Variants in FBXL17 observed in about 807,000 individuals in gnomAD.
FBXL17 encodes the protein F-box/LRR-repeat protein 17.
In FBXL17, 22 loss-of-function variants were observed where a neutral mutation model predicts 66.2. The ratio of observed to expected loss-of-function variants is 0.33; its 90% confidence interval spans 0.24 to 0.47. The LOEUF (loss-of-function observed/expected upper bound fraction) is 0.47. FBXL17 is among the 20% of genes least tolerant of loss of function. The pLI is 1.00. For missense variants in FBXL17, 878 were observed against 948.2 expected (o/e 0.93, Z 0.97); for synonymous variants, 474 against 400.5 (o/e 1.18, Z -2.19).
chr5:107,878,374 T>G (rs1748676683), intron 8 of FBXL17: 1 of 816,998 alleles, frequency 1.2e-6, no homozygotes, highest in Non-Finnish European at 1.5e-6. Context: ...TAACAGAGCA[T>G]TTTATATATA....
At chr5:107,893,922 T>C (rs1459321335) in intron 7 of FBXL17, among the ~76,000 whole-genome samples, 1 of 152,222 alleles carries the variant, frequency 6.6e-6, no homozygotes, top group Non-Finnish European at 1.5e-5. Flanking sequence ...TTGTATGTAC[T>C]GGCTGTAGCG....
chr5:107,862,259 C>T (rs917703236), intron 8 of FBXL17, among the ~76,000 whole-genome samples: 5 of 151,450 alleles, frequency 3.3e-5, no homozygotes, highest in East Asian at 1.9e-4. Context: ...TGTGGAATGC[C>T]GGAGAGGACA....
At position 108,219,073 on chromosome 5, in the gene FBXL17, C is replaced by A. The variant is rs551295160; in HGVS notation, c.1614+5048G>T. Reference sequence around the variant, plus strand: ...CAAACTTTTGTTTACAATTTTTGAACCTATATTCATGAAAGATAGTGATGT... The same window carrying A: ...CAAACTTTTGTTTACAATTTTTGAAACTATATTCATGAAAGATAGTGATGT... On this transcript the variant is annotated intron_variant, in intron 5 of 8. Transcript: ENST00000542267. 3.3e-5 allele frequency among the ~76,000 whole-genome samples: 5 copies of A among 152,178 alleles called. No homozygotes were observed. The South Asian group carries it at 1.0e-3, about 32-fold the overall frequency.
At chr5:108,046,455 T>C (rs1041728314) in intron 6 of FBXL17, among the ~76,000 whole-genome samples, 1 of 152,220 alleles carries the variant, frequency 6.6e-6, no homozygotes, top group African/African-American at 2.4e-5. Flanking sequence ...ATTATTGATA[T>C]GTTAGGCTTA....
chr5:108,065,335 C>T (rs1748078618), intron 6 of FBXL17, among the ~76,000 whole-genome samples: 1 of 152,102 alleles, frequency 6.6e-6, no homozygotes, highest in Non-Finnish European at 1.5e-5. Flanking sequence ...AGGAAGCATC[C>T]TTAAATATTA....
At chr5:108,066,032 G>T (rs1748104672) in intron 6 of FBXL17, among the ~76,000 whole-genome samples, 1 of 152,052 alleles carries the variant, frequency 6.6e-6, no homozygotes, top group Non-Finnish European at 1.5e-5. Flanking sequence ...TTATGGAAGG[G>T]ATTTTCATGG....
rs1754514594 is a variant in FBXL17, at chr5:108,214,478, C to T, written c.1614+9643G>A. 2.0e-5 allele frequency among the ~76,000 whole-genome samples: 3 copies of T among 151,736 alleles called. No homozygotes were observed. In the South Asian group the frequency reaches 6.3e-4, roughly 32 times the overall value. On this transcript the variant is annotated intron_variant, in intron 5 of 8. Transcript: ENST00000542267. ...CACCTCCCGGGTTCAAGAGATTCTC[C>T]TGCCTCAGCCTCCCGAGTAACTGGG...
Position 108,045,160 on chromosome 5 carries a change from G to A in FBXL17, c.1746-24159C>T, listed in dbSNP as rs571838788. Among the ~76,000 whole-genome samples, 546 of 151,830 alleles carry A rather than the reference G, an allele frequency of 3.6e-3. 2 individuals are homozygous for A. The highest frequency in any genetic ancestry group is 6.2e-3 in the Non-Finnish European group (421 of 67,930). On this transcript the variant is annotated intron_variant, in intron 6 of 8. Transcript: ENST00000542267. ...GATATTATCTTTATAATTTCTTTCC[G>A]GCCAGGCGTGGTGACTGACGCCTAT...
intron 6 of FBXL17, among the ~76,000 whole-genome samples, chr5:108,172,141 CAT>C (rs1163423276): frequency 6.6e-6 from 1 of 152,206 alleles, no homozygotes; most frequent in Non-Finnish European, 1.5e-5. Flanking sequence ...GCCTTACTCA[CAT>C]GTTTGACAGT....
Position 108,381,418 on chromosome 5 carries a change from C to T in FBXL17, c.274G>A (p.Ala92Thr). 3 of 1,322,244 alleles carry T rather than the reference C, an allele frequency of 2.3e-6. No individual in the cohort carries two copies. Among genetic ancestry groups the T allele is most frequent in the Non-Finnish European group, 2.9e-6 (3 of 1,044,480 alleles). The allele number at this position is 1,322,244 out of a possible 1,614,324, so 81.9% of individuals were successfully genotyped here. Reference sequence around the variant, plus strand: ...AGGTGCTGAGAGGAGGAGGCGGCAGCGTAGGCCCCGTCCCGCGGCGGCGGC... The same window carrying T: ...AGGTGCTGAGAGGAGGAGGCGGCAGTGTAGGCCCCGTCCCGCGGCGGCGGC... ...LSPPPRDGAY[A>T]AASSSQHLAR... Residue 92 changes from alanine to threonine, a missense_variant, in exon 1 of 9, where the codon GCT becomes ACT. Physicochemically the swap from Ala to Thr is moderately conservative, Grantham distance 58. Transcript: ENST00000542267.
intron 6 of FBXL17, among the ~76,000 whole-genome samples, chr5:108,139,138 T>C (rs953359810): frequency 6.6e-6 from 1 of 152,134 alleles, no homozygotes; most frequent in Non-Finnish European, 1.5e-5. Flanking sequence ...ATATTTAGTA[T>C]GTGTGTGTTT....
chr5:108,366,507 A>G (rs1009579812), intron 2 of FBXL17, among the ~76,000 whole-genome samples: 2 of 130,556 alleles, frequency 1.5e-5, no homozygotes, highest in African/African-American at 2.9e-5. Flanking sequence ...ACTCTGACAT[A>G]CCTCTCCTTT....
At chr5:108,288,880 T>C (rs1758004088) in intron 4 of FBXL17, among the ~76,000 whole-genome samples, 1 of 152,156 alleles carries the variant, frequency 6.6e-6, no homozygotes, top group African/African-American at 2.4e-5. Context: ...TTACTACTTT[T>C]AAAAACACTT....
At chr5:108,185,242 A>C (rs954419688) in intron 6 of FBXL17, among the ~76,000 whole-genome samples, 9 of 152,186 alleles carry the variant, frequency 5.9e-5, no homozygotes, top group African/African-American at 2.2e-4. Flanking sequence ...TTGTGTTCCC[A>C]GCCAAATCTC....
At chr5:108,258,658 T>C (rs1756679618) in intron 4 of FBXL17, among the ~76,000 whole-genome samples, 1 of 151,960 alleles carries the variant, frequency 6.6e-6, no homozygotes, top group Admixed American at 6.6e-5. Context: ...TCTTATTAGG[T>C]AGATGCCCAC....
At chr5:108,013,888 T>A (rs1359932391) in intron 7 of FBXL17, among the ~76,000 whole-genome samples, 1 of 152,132 alleles carries the variant, frequency 6.6e-6, no homozygotes, top group Non-Finnish European at 1.5e-5. Flanking sequence ...TTTCAAGAAG[T>A]TTTAAACATT....
At chr5:108,241,623 T>C (rs1307865093) in intron 4 of FBXL17, among the ~76,000 whole-genome samples, 1 of 151,972 alleles carries the variant, frequency 6.6e-6, no homozygotes, top group African/African-American at 2.4e-5. Flanking sequence ...AAGATAACAA[T>C]ATTCAAGCAC....
At chr5:108,196,516 C>G (rs1025958423) in intron 5 of FBXL17, among the ~76,000 whole-genome samples, 1 of 152,196 alleles carries the variant, frequency 6.6e-6, no homozygotes, top group Admixed American at 6.5e-5. Flanking sequence ...AAGGAAGCTA[C>G]TGCAGGTCAG....
At chr5:108,282,877 A>T (rs1757755092) in intron 4 of FBXL17, among the ~76,000 whole-genome samples, 1 of 151,654 alleles carries the variant, frequency 6.6e-6, no homozygotes, top group Admixed American at 6.6e-5. Context: ...CTAACTGAAA[A>T]AGAAATCAAG....
Sources: gnomAD v4.1 joint callset for allele counts (sites outside exome capture counted in the v4.1 genomes callset) on GRCh38, gnomAD v4.1.1 for gene constraint, MANE v1.5 for transcripts, NCBI Gene and HGNC (gene_info 2026-07-23, HGNC 2026-07-21) for gene names.